ANO3: variants seen among roughly 807,000 people sequenced by gnomAD.
ANO3 encodes the protein anoctamin-3.
Under a neutral mutation model 144.8 loss-of-function variants are expected in ANO3, and 99 were observed. The observed-to-expected ratio is 0.68, with a 90% CI of 0.58 to 0.81. The LOEUF (loss-of-function observed/expected upper bound fraction) is 0.81. Among genes scored for constraint, ANO3 ranks in the 30% least tolerant of loss-of-function variants. ANO3 has a pLI of 0.00. For missense variants in ANO3, 905 were observed against 1,202.2 expected (o/e 0.75, Z 3.66); for synonymous variants, 414 against 392.6 (o/e 1.05, Z -0.64).
At chr11:26,448,408 T>C (rs1040319748) in intron 3 of ANO3, among the ~76,000 whole-genome samples, 6 of 152,180 alleles carry the variant, frequency 3.9e-5, no homozygotes, top group African/African-American at 1.4e-4. Context: ...AAATCAACAT[T>C]TTGCTAATGT....
chr11:26,505,328 G>A (rs1413883780), intron 4 of ANO3, among the ~76,000 whole-genome samples: 2 of 152,190 alleles, frequency 1.3e-5, no homozygotes, highest in Non-Finnish European at 2.9e-5. Context: ...CCTGTTTGGA[G>A]AAGATAAACA....
intron 1 of ANO3, among the ~76,000 whole-genome samples, chr11:26,382,457 C>A (rs1856615363): frequency 6.6e-6 from 1 of 152,110 alleles, no homozygotes; most frequent in Admixed American, 6.6e-5. Context: ...CCTCCCTCAT[C>A]CACCCACTCT....
intron 1 of ANO3, among the ~76,000 whole-genome samples, chr11:26,197,645 C>A (rs1688180800): frequency 6.6e-6 from 1 of 152,124 alleles, no homozygotes; most frequent in East Asian, 1.9e-4. Flanking sequence ...GCCACCACAC[C>A]AGGCCTAATA....
chr11:26,503,827 G>A (rs1021027847), intron 4 of ANO3, among the ~76,000 whole-genome samples: 1 of 151,952 alleles, frequency 6.6e-6, no homozygotes, highest in Non-Finnish European at 1.5e-5. Flanking sequence ...AATTGTTAGC[G>A]TTCCATTTTC....
chr11:26,235,964 T>G (rs984004895), intron 1 of ANO3, among the ~76,000 whole-genome samples: 8 of 152,162 alleles, frequency 5.3e-5, no homozygotes, highest in Non-Finnish European at 1.2e-4. Context: ...TAATACTTCT[T>G]ATGTTTCTTT....
intron 14 of ANO3, among the ~76,000 whole-genome samples, chr11:26,592,485 C>A (rs7126479): frequency 0.15 from 23,365 of 150,964 alleles, 2,092 homozygotes; most frequent in East Asian, 0.33. Flanking sequence ...ACCTCTTGGG[C>A]CTTTTCTGTC....
chr11:26,537,659 C>T (rs1849545670), intron 10 of ANO3, among the ~76,000 whole-genome samples, 198 bp downstream of exon 10: 1 of 152,144 alleles, frequency 6.6e-6, no homozygotes, highest in African/African-American at 2.4e-5. Flanking sequence ...TCAATTTGCC[C>T]CATACTGGGA....
intron 1 of ANO3, among the ~76,000 whole-genome samples, chr11:26,274,132 T>A (rs1218660500): frequency 6.6e-6 from 1 of 152,142 alleles, no homozygotes; most frequent in Admixed American, 6.5e-5. Flanking sequence ...CCTGTTTAAG[T>A]TCTTTGGTCA....
intron 18 of ANO3, among the ~76,000 whole-genome samples, chr11:26,624,921 C>CTTTTTT (rs34454148): frequency 6.9e-6 from 1 of 144,586 alleles, no homozygotes. Context: ...TACTTTTTAA[C>CTTTTTT]TTTTTTTTTT....
intron 14 of ANO3, among the ~76,000 whole-genome samples, chr11:26,580,970 T>A (rs446946): frequency 0.92 from 140,391 of 152,274 alleles, 65,079 homozygotes; most frequent in East Asian, 0.98. Context: ...TGTCTCATTT[T>A]GCTGTGTCAG....
intron 1 of ANO3, among the ~76,000 whole-genome samples, chr11:26,315,495 C>T (rs1234301930): frequency 6.6e-6 from 1 of 152,068 alleles, no homozygotes; most frequent in Non-Finnish European, 1.5e-5. Context: ...ATATAATTAA[C>T]CCTCAAATTT....
intron 1 of ANO3, among the ~76,000 whole-genome samples, chr11:26,438,609 G>GAAAAAAA (rs1222012718): frequency 4.1e-5 from 3 of 73,300 alleles, no homozygotes; most frequent in Admixed American, 2.1e-4. Flanking sequence ...AAAAAAAAAA[G>GAAAAAAA]AAAAAAAAAA....
intron 1 of ANO3, among the ~76,000 whole-genome samples, chr11:26,222,201 A>AT (rs1207991368): frequency 6.6e-6 from 1 of 152,264 alleles, no homozygotes; most frequent in African/African-American, 2.4e-5. Context: ...GAAAGGGGCT[A>AT]TAGGCCCCAC....
intron 18 of ANO3, among the ~76,000 whole-genome samples, chr11:26,624,736 G>C (rs1384429860): frequency 6.6e-6 from 1 of 152,142 alleles, no homozygotes; most frequent in Non-Finnish European, 1.5e-5. Context: ...TTCCTACTTA[G>C]GAGTGCTTGC....
intron 1 of ANO3, among the ~76,000 whole-genome samples, chr11:26,319,532 G>A (rs926738598): frequency 2.9e-4 from 44 of 152,136 alleles, no homozygotes; most frequent in South Asian, 6.2e-4. Flanking sequence ...TGACATACGG[G>A]TCATCACTTA....
chr11:26,259,694 A>G (rs1853142243), intron 1 of ANO3, among the ~76,000 whole-genome samples: 1 of 152,096 alleles, frequency 6.6e-6, no homozygotes. Flanking sequence ...AGTAAATAAT[A>G]TTTAATCACT....
chr11:26,315,102 A>AG (rs371713096), intron 1 of ANO3, among the ~76,000 whole-genome samples: 76 of 129,864 alleles, frequency 5.9e-4, no homozygotes, highest in African/African-American at 2.0e-3. Flanking sequence ...GTATATTCTC[A>AG]GAAAAAAAAA....
chr11:26,344,176 G>A (rs1289430290), intron 1 of ANO3, among the ~76,000 whole-genome samples: 1 of 152,098 alleles, frequency 6.6e-6, no homozygotes, highest in Non-Finnish European at 1.5e-5. Flanking sequence ...TTCATGGAGT[G>A]AAAGTATGGA....
In ANO3 at chr11:26,442,025, C is replaced by T. The variant is rs1590362141; in HGVS notation, c.154C>T (p.Gln52Ter). 1.2e-6 allele frequency: 2 copies of T among 1,614,182 alleles called. No homozygotes were observed. The highest frequency in any genetic ancestry group is 1.7e-6 in the Non-Finnish European group (2 of 1,180,016). The change falls in exon 2 of 27, where the codon CAG (glutamine) becomes TAG (stop). Residue 52 changes from glutamine (Q) to a stop codon, truncating the protein, a stop_gained. Coordinates refer to ENST00000256737, the MANE Select transcript of ANO3 (RefSeq NM_031418.4). LOFTEE classifies it high-confidence loss of function. ...CTACGCTTACTCAAAGAGCTTGAGC[C>T]AGTCTACTTCCCTCTTCCAGTCAAC... ...QSYAYSKSLS[Q>*]STSLFQSTES...
Sources: allele counts gnomAD v4.1 joint callset (sites outside exome capture counted in the v4.1 genomes callset), GRCh38; gene constraint gnomAD v4.1.1; transcripts MANE v1.5; gene names NCBI Gene and HGNC (gene_info 2026-07-23, HGNC 2026-07-21).